IGSF21: variants seen among roughly 807,000 people sequenced by gnomAD.
The protein encoded by IGSF21 is immunoglobin superfamily member 21.
IGSF21 carries 28 observed loss-of-function variants against 46.8 expected under a neutral mutation model. The ratio of observed to expected loss-of-function variants is 0.60; its 90% CI spans 0.44 to 0.82. IGSF21 has a LOEUF of 0.82. Among genes scored for constraint, IGSF21 ranks in the 40% least tolerant of loss-of-function variants. The pLI is 0.00. For missense variants in IGSF21, 624 were observed against 665.5 expected, an observed-to-expected ratio of 0.94 and a Z score of 0.69; for synonymous variants, 284 against 273.6, an observed-to-expected ratio of 1.04 and a Z score of -0.38.
intron 2 of IGSF21, among the ~76,000 whole-genome samples, chr1:18,255,897 C>T (rs1178470764): frequency 2.6e-5 from 4 of 152,314 alleles, no homozygotes; most frequent in Admixed American, 6.5e-5. Context: ...CAGCCCCAGT[C>T]CATTCTCCAC....
intron 4 of IGSF21, among the ~76,000 whole-genome samples, chr1:18,353,731 C>T (rs2085984741): frequency 6.6e-6 from 1 of 152,128 alleles, no homozygotes; most frequent in Non-Finnish European, 1.5e-5. Context: ...CATGCAAAGG[C>T]CCTGTGGCTG....
chr1:18,280,216 T>C (rs1208626267), intron 2 of IGSF21, among the ~76,000 whole-genome samples: 2 of 152,052 alleles, frequency 1.3e-5, no homozygotes, highest in Non-Finnish European at 2.9e-5. Context: ...TGGGATCAGA[T>C]AGGACTCTGC....
intron 1 of IGSF21, among the ~76,000 whole-genome samples, chr1:18,208,397 T>TATATATAGATATATATA (rs368652183): frequency 1.1e-5 from 1 of 92,586 alleles, no homozygotes; most frequent in Non-Finnish European, 2.3e-5. Context: ...ATATATATAT[T>TATATATAGATATATATA]TTTTGAGACG....
At chr1:18,363,128 T>C (rs2086120355) in intron 5 of IGSF21, among the ~76,000 whole-genome samples, 1 of 152,206 alleles carries the variant, frequency 6.6e-6, no homozygotes, top group Non-Finnish European at 1.5e-5. Context: ...ACCCGTAGGC[T>C]TCCATGAAAC....
chr1:18,153,815 G>A (rs918015658), intron 1 of IGSF21, among the ~76,000 whole-genome samples: 12 of 152,134 alleles, frequency 7.9e-5, no homozygotes, highest in African/African-American at 2.9e-4. Context: ...TCCCCACGCA[G>A]CGTCTGCGAA....
chr1:18,186,043 A>T (rs779873624), intron 1 of IGSF21, among the ~76,000 whole-genome samples: 2 of 152,218 alleles, frequency 1.3e-5, no homozygotes, highest in Non-Finnish European at 2.9e-5. Flanking sequence ...GGGGGATGGC[A>T]ACATAAGTGT....
At chr1:18,271,007 A>G (rs943608262) in intron 2 of IGSF21, among the ~76,000 whole-genome samples, 1 of 152,204 alleles carries the variant, frequency 6.6e-6, no homozygotes, top group Non-Finnish European at 1.5e-5. Flanking sequence ...GAAAGCAGGG[A>G]TGGCGTTGAC....
At chr1:18,314,796 G>T (rs1053616585) in intron 3 of IGSF21, among the ~76,000 whole-genome samples, 1 of 152,144 alleles carries the variant, frequency 6.6e-6, no homozygotes, top group Non-Finnish European at 1.5e-5. Flanking sequence ...TTTCTTGAGC[G>T]GTGGGAGGGG....
intron 1 of IGSF21, among the ~76,000 whole-genome samples, chr1:18,169,689 T>C (rs2086717166): frequency 6.6e-6 from 1 of 152,120 alleles, no homozygotes; most frequent in Non-Finnish European, 1.5e-5. Flanking sequence ...AAATGAAAGA[T>C]GGGCTAATTG....
At chr1:18,241,664 A>G (rs1236042201) in intron 2 of IGSF21, among the ~76,000 whole-genome samples, 1 of 152,150 alleles carries the variant, frequency 6.6e-6, no homozygotes, top group African/African-American at 2.4e-5. Context: ...AGCCTGTGGC[A>G]GGTAAGACAA....
intron 1 of IGSF21, among the ~76,000 whole-genome samples, chr1:18,205,842 G>T (rs1021159561): frequency 1.3e-5 from 2 of 152,238 alleles, no homozygotes; most frequent in African/African-American, 4.8e-5. Context: ...TTAAATGCTT[G>T]CCCTGTATGA....
chr1:18,373,644 G>A (rs1209000567), intron 6 of IGSF21, among the ~76,000 whole-genome samples: 1 of 152,146 alleles, frequency 6.6e-6, no homozygotes, highest in Non-Finnish European at 1.5e-5. Flanking sequence ...GAGCCCAGGA[G>A]CCGGGGTGCC....
intron 4 of IGSF21, among the ~76,000 whole-genome samples, chr1:18,360,781 T>C (rs77065996): frequency 0.023 from 3,529 of 152,210 alleles, 86 homozygotes; most frequent in East Asian, 0.1. Flanking sequence ...TGCTAAGCAT[T>C]TTCATATGCA....
At chr1:18,228,240 A>C (rs2084589741) in intron 2 of IGSF21, among the ~76,000 whole-genome samples, 2 of 152,022 alleles carry the variant, frequency 1.3e-5, no homozygotes, top group African/African-American at 4.8e-5. Flanking sequence ...TGCTCCTATT[A>C]TGCCCCTACG....
At chr1:18,194,951 G>A (rs913570119) in intron 1 of IGSF21, among the ~76,000 whole-genome samples, 12 of 152,158 alleles carry the variant, frequency 7.9e-5, no homozygotes, top group Admixed American at 3.3e-4. Flanking sequence ...TGTCTTACAT[G>A]GCAGCAGGCA....
rs1303740930 is a variant in IGSF21 at position 18,335,985 on chromosome 1, T to C, written c.424+975T>C. On this transcript the variant is annotated intron_variant, in intron 4 of 9. Transcript: ENST00000251296. This position sits in a 1 kb window ranked among gnomAD's most constrained non-coding sequence, Gnocchi z 4.8. Reference sequence around the variant, plus strand: ...TCCTCTGATAAAGGAACTAGCAGCGTTTGGGTGCCTGGCCCTGGGTTGGCC... The same window carrying C: ...TCCTCTGATAAAGGAACTAGCAGCGCTTGGGTGCCTGGCCCTGGGTTGGCC... Among the ~76,000 whole-genome samples the C allele has an allele frequency of 6.6e-6, 1 of 152,068 alleles. No homozygotes were observed. Among genetic ancestry groups the C allele is most frequent in the African/African-American group, 2.4e-5 (1 of 41,398 alleles).
intron 2 of IGSF21, among the ~76,000 whole-genome samples, chr1:18,268,778 G>A (rs2085014718): frequency 6.6e-6 from 1 of 152,316 alleles, no homozygotes; most frequent in African/African-American, 2.4e-5. Context: ...GGTCTCCAGG[G>A]TTGGAGAAAG....
chr1:18,187,312 G>A (rs774025482), intron 1 of IGSF21, among the ~76,000 whole-genome samples: 5 of 152,096 alleles, frequency 3.3e-5, no homozygotes, highest in Non-Finnish European at 5.9e-5. Flanking sequence ...CCCATCATAA[G>A]GGCCTGTATT....
chr1:18,208,450 C>T (rs1030561295), intron 1 of IGSF21, among the ~76,000 whole-genome samples: 3 of 142,958 alleles, frequency 2.1e-5, no homozygotes, highest in South Asian at 2.3e-4. Flanking sequence ...GGCGCAATCT[C>T]GGCTCACTGC....
Sources: allele counts gnomAD v4.1 joint callset (sites outside exome capture counted in the v4.1 genomes callset), GRCh38; gene constraint gnomAD v4.1.1; non-coding constraint Gnocchi (gnomAD v3.1); transcripts MANE v1.5; gene names NCBI Gene and HGNC (gene_info 2026-07-23, HGNC 2026-07-21).